The following TBC1D19 variants were observed in gnomAD, a reference collection of about 807,000 sequenced individuals.
TBC1D19 encodes the protein TBC1 domain family member 19.
In TBC1D19, 60 loss-of-function variants were observed where a neutral mutation model predicts 89.0. The ratio of observed to expected loss-of-function variants is 0.67; its 90% CI spans 0.55 to 0.84. TBC1D19 has a LOEUF of 0.84. Among genes scored for constraint, TBC1D19 ranks in the 40% least tolerant of loss-of-function variants. The probability of loss-of-function intolerance (pLI) is 0.00; values close to 1 mark genes in which losing one functional copy is unlikely to be tolerated. For missense variants in TBC1D19, 500 were observed against 610.8 expected (o/e 0.82, Z 1.91); for synonymous variants, 189 against 199.7 (o/e 0.95, Z 0.45).
chr4:26,761,211 T>G (rs1003979685), downstream of TBC1D19, among the ~76,000 whole-genome samples: 1 of 152,234 alleles, frequency 6.6e-6, no homozygotes, highest in Admixed American at 6.5e-5. Context: ...TCTAAAGAAC[T>G]TTTTAATCTG....
chr4:26,692,348 G>A (rs1417522555), intron 13 of TBC1D19, among the ~76,000 whole-genome samples: 4 of 152,138 alleles, frequency 2.6e-5, no homozygotes, highest in Non-Finnish European at 5.9e-5. Flanking sequence ...CCACTCAGCA[G>A]GCCAAAAATA....
At chr4:26,760,696 G>A (rs1345985101), downstream of TBC1D19, among the ~76,000 whole-genome samples, 1 of 152,142 alleles carries the variant, frequency 6.6e-6, no homozygotes, top group Non-Finnish European at 1.5e-5. Flanking sequence ...ATTCTTAACT[G>A]TCTTTTAAAG....
At chr4:26,751,776 C>G (rs1718980162) in intron 19 of TBC1D19, among the ~76,000 whole-genome samples, 1 of 152,170 alleles carries the variant, frequency 6.6e-6, no homozygotes, top group Non-Finnish European at 1.5e-5. Context: ...TGGCCTTTAT[C>G]TGGGGAAATT....
chr4:26,640,826 G>A (rs1743451448), intron 7 of TBC1D19, among the ~76,000 whole-genome samples: 1 of 152,172 alleles, frequency 6.6e-6, no homozygotes, highest in African/African-American at 2.4e-5. Flanking sequence ...CAAACTATGA[G>A]GTGGCAAGCC....
At position 26,688,342 on chromosome 4, in the gene TBC1D19, T is replaced by C. The variant is rs1577935301; in HGVS notation, c.892-3T>C. 1 of 1,571,300 alleles carries C rather than the reference T, an allele frequency of 6.4e-7. No homozygotes were observed. Among genetic ancestry groups the C allele is most frequent in the African/African-American group, 1.4e-5 (1 of 73,976 alleles). ...TTTCAGTACTGTCTACTTTTAATTA[T>C]AGGATGTGAAGTTGACAGCAAGCAA... On this transcript the variant is annotated splice_polypyrimidine_tract_variant and splice_region_variant and intron_variant, in intron 12 of 20. Coordinates refer to ENST00000264866, the MANE Select transcript of TBC1D19 (RefSeq NM_018317.4).
chr4:26,842,583 C>CCTTCCTTTCTTT, the TBC1D19 span, among the ~76,000 whole-genome samples: 5,824 of 70,398 alleles, frequency 0.083, 232 homozygotes, highest in Non-Finnish European at 0.099. Flanking sequence ...TTCCTCCCTC[C>CCTTCCTTTCTTT]CTTTCTTTCT....
chr4:26,652,090 T>G (rs994942752), intron 7 of TBC1D19, among the ~76,000 whole-genome samples: 2 of 152,144 alleles, frequency 1.3e-5, no homozygotes, highest in African/African-American at 4.8e-5. Context: ...ATAAGCTTTT[T>G]GATGTGCTGC....
At position 26,755,033 on chromosome 4, in the gene TBC1D19, A is replaced by G. The variant is rs1445323119; in HGVS notation, c.*86A>G. The G allele has an allele frequency of 2.4e-6, 3 of 1,233,468 alleles. No individual in the cohort carries two copies. Among genetic ancestry groups the G allele is most frequent in the Non-Finnish European group, 2.2e-6 (2 of 892,916 alleles). The allele number at this position is 1,233,468 out of a possible 1,614,324, so 76.4% of individuals were successfully genotyped here. On this transcript the variant is annotated 3_prime_UTR_variant, in exon 21 of 21. Coordinates refer to ENST00000264866, the MANE Select transcript of TBC1D19 (RefSeq NM_018317.4). ...GCAAACTCTGCATAAAACCAAAATG[A>G]AACTTTGCATATAAGCCAATAAAGA...
chr4:26,605,507 A>AT (rs1448066131), intron 1 of TBC1D19, among the ~76,000 whole-genome samples: 44 of 152,110 alleles, frequency 2.9e-4, no homozygotes, highest in Middle Eastern at 3.4e-3. Context: ...AGTGCCGCAG[A>AT]AAACATACGT....
At chr4:26,644,525 C>T (rs1157522930) in intron 7 of TBC1D19, among the ~76,000 whole-genome samples, 2 of 152,190 alleles carry the variant, frequency 1.3e-5, no homozygotes, top group African/African-American at 2.4e-5. Flanking sequence ...GAGAGGGATA[C>T]CTTCTCTTAC....
At chr4:26,754,751 GTATTAA>G in intron 20 of TBC1D19, 116 bp from the exon 21 acceptor site, 2 of 685,526 alleles carry the variant, frequency 2.9e-6, no homozygotes, top group Non-Finnish European at 4.6e-6. Context: ...TGTAGCTTTA[GTATTAA>G]GATTTAGGAC....
At chr4:26,815,736 ATT>A in the TBC1D19 span, among the ~76,000 whole-genome samples, 4 of 152,248 alleles carry the variant, frequency 2.6e-5, no homozygotes, top group Admixed American at 2.6e-4. Flanking sequence ...CAGTAATTGT[ATT>A]TAGTCATTCT....
chr4:26,812,552 A>T, the TBC1D19 span, among the ~76,000 whole-genome samples: 2 of 152,138 alleles, frequency 1.3e-5, no homozygotes, highest in East Asian at 3.9e-4. The surrounding 1 kb of genome is among the most constrained non-coding windows in gnomAD (Gnocchi z 4.2). Context: ...TCAATGCCAC[A>T]CAGGAAAAGG....
At chr4:26,818,623 G>A in the TBC1D19 span, among the ~76,000 whole-genome samples, 5 of 152,248 alleles carry the variant, frequency 3.3e-5, no homozygotes, top group South Asian at 2.1e-4. Context: ...TTCTTTACTC[G>A]TATTCCCCAA....
the TBC1D19 span, among the ~76,000 whole-genome samples, chr4:26,826,743 T>G: frequency 1.2e-3 from 180 of 152,352 alleles, 1 homozygote; most frequent in Non-Finnish European, 2.0e-3. Context: ...GAAAGACTAC[T>G]GTTTTAACTT....
the TBC1D19 span, among the ~76,000 whole-genome samples, chr4:26,837,370 G>A: frequency 2.6e-5 from 4 of 152,150 alleles, no homozygotes; most frequent in Non-Finnish European, 4.4e-5. Flanking sequence ...TAGCAAATAT[G>A]TAGTATTTAG....
chr4:26,642,434 A>G (rs568275628), intron 7 of TBC1D19, among the ~76,000 whole-genome samples: 112 of 152,348 alleles, frequency 7.4e-4, no homozygotes, highest in African/African-American at 2.6e-3. Context: ...GGGAAGCACT[A>G]AACATGGAAA....
upstream of TBC1D19, among the ~76,000 whole-genome samples, chr4:26,581,212 A>C (rs546231161): frequency 1.3e-5 from 2 of 152,112 alleles, no homozygotes; most frequent in Non-Finnish European, 2.9e-5. Flanking sequence ...TTTTTTAAAA[A>C]ATTTATTTAC....
At chr4:26,834,550 G>T in the TBC1D19 span, among the ~76,000 whole-genome samples, 1 of 152,074 alleles carries the variant, frequency 6.6e-6, no homozygotes, top group Admixed American at 6.6e-5. Context: ...GCTATGGGGG[G>T]CGGGGGTGGT....
Sources: gnomAD v4.1 joint callset for allele counts (sites outside exome capture counted in the v4.1 genomes callset) on GRCh38, gnomAD v4.1.1 for gene constraint, Gnocchi (gnomAD v3.1) non-coding constraint, MANE v1.5 for transcripts, NCBI Gene and HGNC (gene_info 2026-07-23, HGNC 2026-07-21) for gene names.